Variants in MGST1 observed in about 807,000 individuals in gnomAD.
The protein encoded by MGST1 is microsomal glutathione S-transferase 1.
A neutral mutation model predicts 8.9 loss-of-function variants in MGST1; 5 were observed. That is an observed-to-expected ratio of 0.56 (90% CI 0.29 to 1.19). MGST1 has a LOEUF of 1.19. Ranked by LOEUF, MGST1 falls within the 50% of genes most tolerant of loss-of-function variation. MGST1 has a pLI of 0.08. For synonymous variants in MGST1, 54 were observed against 67.8 expected, an observed-to-expected ratio of 0.80 and a Z score of 1.00; for missense variants, 182 against 187.4, an observed-to-expected ratio of 0.97 and a Z score of 0.17.
chr12:16,587,513 T>C lies in MGST1; in HGVS notation n.483-2015T>C, dbSNP rs867676791. Among the ~76,000 whole-genome samples the C allele has an allele frequency of 6.6e-6, 1 of 152,304 alleles. No individual in the cohort carries two copies. Among genetic ancestry groups the C allele is most frequent in the African/African-American group, 2.4e-5 (1 of 41,568 alleles). On this transcript the variant is annotated intron_variant and non_coding_transcript_variant, in intron 4 of 4. Transcript: ENST00000538857. The surrounding 1 kb of genome is among the most constrained non-coding windows in gnomAD (Gnocchi z 4.3). ...TAGCAAATAAACTGTGCCTCTTTTTTAAATAAACCCCTGGCCTTGAGTTTT... is the reference window on the plus strand; with the variant it reads ...TAGCAAATAAACTGTGCCTCTTTTTCAAATAAACCCCTGGCCTTGAGTTTT...
chr12:16,553,461 G>C (rs1942070208), intron 4 of MGST1, among the ~76,000 whole-genome samples: 2 of 152,126 alleles, frequency 1.3e-5, no homozygotes, highest in African/African-American at 4.8e-5. Flanking sequence ...GGTATATATA[G>C]AGCAACAGAG....
chr12:16,445,293 G>T (rs573703788), intron 4 of MGST1, among the ~76,000 whole-genome samples: 1 of 151,938 alleles, frequency 6.6e-6, no homozygotes, highest in African/African-American at 2.4e-5. Flanking sequence ...TTAGCCTTTT[G>T]CTTTGGTGAG....
At chr12:16,446,052 A>G (rs1941077206) in intron 4 of MGST1, among the ~76,000 whole-genome samples, 2 of 151,930 alleles carry the variant, frequency 1.3e-5, no homozygotes, top group Admixed American at 1.3e-4. Context: ...TCACCAAAGT[A>G]TGGTTTTGTG....
intron 4 of MGST1, among the ~76,000 whole-genome samples, chr12:16,518,208 A>C (rs544024559): frequency 6.6e-6 from 1 of 152,202 alleles, no homozygotes; most frequent in Non-Finnish European, 1.5e-5. Flanking sequence ...ATTCAGTGAC[A>C]TCACTCAAAC....
exon 4 of MGST1, chr12:16,376,308 C>T (rs1015413888): frequency 4.2e-6 from 2 of 479,266 alleles, no homozygotes; most frequent in South Asian, 3.7e-5. Flanking sequence ...CGGCTGTTAA[C>T]AACACAAAAA....
intron 1 of MGST1, among the ~76,000 whole-genome samples, chr12:16,406,186 T>C (rs1940696575): frequency 1.3e-5 from 2 of 152,194 alleles, no homozygotes; most frequent in Admixed American, 6.5e-5. Context: ...GCCCAAAAGC[T>C]CATTAAGCTA....
chr12:16,454,421 A>G (rs1192132132), intron 4 of MGST1, among the ~76,000 whole-genome samples: 2 of 152,070 alleles, frequency 1.3e-5, no homozygotes, highest in East Asian at 3.9e-4. Flanking sequence ...TGATTAAATA[A>G]TGAGGGCATT....
intron 1 of MGST1, among the ~76,000 whole-genome samples, chr12:16,398,086 A>AT (rs34896307): frequency 0.03 from 4,416 of 147,312 alleles, 207 homozygotes; most frequent in African/African-American, 0.1. Context: ...TCTTGGTTAG[A>AT]TTTTTTTTTT....
intron 4 of MGST1, among the ~76,000 whole-genome samples, chr12:16,447,899 G>T (rs778713658): frequency 3.9e-5 from 6 of 151,918 alleles, no homozygotes; most frequent in Non-Finnish European, 8.8e-5. Flanking sequence ...AACTGCATCA[G>T]GGTTGGAGCT....
intron 1 of MGST1, among the ~76,000 whole-genome samples, chr12:16,403,232 A>T (rs1446898778): frequency 6.6e-6 from 1 of 152,018 alleles, no homozygotes; most frequent in Non-Finnish European, 1.5e-5. Context: ...ATTTTTATTC[A>T]ACTTTTTTTG....
intron 1 of MGST1, among the ~76,000 whole-genome samples, chr12:16,407,934 A>G (rs1240541311): frequency 6.7e-6 from 1 of 148,568 alleles, no homozygotes; most frequent in Admixed American, 6.8e-5. Context: ...CAGGAGGCTG[A>G]GACAGGAGAA....
intron 1 of MGST1, among the ~76,000 whole-genome samples, chr12:16,431,114 G>T (rs1218297026): frequency 6.6e-6 from 1 of 152,110 alleles, no homozygotes; most frequent in African/African-American, 2.4e-5. Context: ...CTTTTCTTCT[G>T]CAGCTTTTAA....
intron 4 of MGST1, among the ~76,000 whole-genome samples, chr12:16,538,648 A>C (rs181657067): frequency 0.013 from 1,897 of 141,146 alleles, 46 homozygotes; most frequent in African/African-American, 0.048. Flanking sequence ...TCGCTCTGTC[A>C]CCCAGGCTGG....
intron 4 of MGST1, among the ~76,000 whole-genome samples, chr12:16,534,273 T>C (rs117595450): frequency 2.3e-3 from 355 of 152,324 alleles, no homozygotes; most frequent in Non-Finnish European, 3.9e-3. Context: ...AACACATATA[T>C]TCGATATGCA....
chr12:16,462,965 G>A (rs888304050), intron 4 of MGST1, among the ~76,000 whole-genome samples: 19 of 152,016 alleles, frequency 1.2e-4, no homozygotes, highest in African/African-American at 2.7e-4. Context: ...TGATATACCC[G>A]CTGTAGACTA....
downstream of MGST1, among the ~76,000 whole-genome samples, chr12:16,441,293 C>T (rs1290561503): frequency 6.6e-6 from 1 of 151,828 alleles, no homozygotes; most frequent in Non-Finnish European, 1.5e-5. Context: ...CATCCTACAC[C>T]AGAACGATAC....
At chr12:16,400,881 G>T in intron 1 of MGST1, 1 of 1,165,088 alleles carries the variant, frequency 8.6e-7, no homozygotes, top group Non-Finnish European at 1.3e-6. Flanking sequence ...ATCAGAGATG[G>T]GTGTTTATAG....
At position 16,363,986 on chromosome 12, in the gene MGST1, A is replaced by G. The variant is rs756065570; in HGVS notation, c.413A>G (p.Tyr138Cys). 7.4e-6 allele frequency: 12 copies of G among 1,613,726 alleles called. No individual in the cohort carries two copies. In the African/African-American group the frequency reaches 1.1e-4, roughly 14 times the overall value. ...AGAGCTTTGAGTTTTTTTGTTGGAT[A>G]TGGAGTTACTCTTTCCATGGCTTAC... ...PNRALSFFVG[Y>C]GVTLSMAYRL... The change falls in exon 4 of 4, where the codon TAT becomes TGT. Residue 138 changes from tyrosine (Y) to cysteine (C), a missense_variant. Coordinates refer to ENST00000396210, the MANE Select transcript of MGST1 (RefSeq NM_020300.5). The surrounding 1 kb of genome is among the most constrained non-coding windows in gnomAD (Gnocchi z 4.6).
In MGST1 at chr12:16,586,554, A is replaced by C. The variant is rs1471102091; in HGVS notation, n.483-2974A>C. Among the ~76,000 whole-genome samples, 1 of 152,186 alleles carries C rather than the reference A, an allele frequency of 6.6e-6. No individual in the cohort carries two copies. The highest frequency in any genetic ancestry group is 1.5e-5 in the Non-Finnish European group (1 of 68,042). Reference sequence around the variant, plus strand: ...AATATTGTCAGATTCAGGCCAACTGAATTCTGGAGGACATATGCAAAGACA... The same window carrying C: ...AATATTGTCAGATTCAGGCCAACTGCATTCTGGAGGACATATGCAAAGACA... On this transcript the variant is annotated intron_variant and non_coding_transcript_variant, in intron 4 of 4. Transcript: ENST00000538857. This position sits in a 1 kb window ranked among gnomAD's most constrained non-coding sequence, Gnocchi z 4.3.
Sources: allele counts gnomAD v4.1 joint callset (sites outside exome capture counted in the v4.1 genomes callset), GRCh38; gene constraint gnomAD v4.1.1; non-coding constraint Gnocchi (gnomAD v3.1); transcripts MANE v1.5; gene names NCBI Gene and HGNC (gene_info 2026-07-23, HGNC 2026-07-21).